ZFPM2: variants seen among roughly 807,000 people sequenced by gnomAD.
ZFPM2 encodes zinc finger protein, FOG family member 2.
ZFPM2 carries 20 observed loss-of-function variants against 98.6 expected under a neutral mutation model. The observed-to-expected ratio is 0.20, with a 90% CI of 0.14 to 0.29. The LOEUF (loss-of-function observed/expected upper bound fraction) is 0.29, where lower values mean the gene tolerates loss of function less well. Ranked by LOEUF, ZFPM2 falls within the 10% of genes least tolerant of loss-of-function variation. The pLI, the probability that ZFPM2 is intolerant of heterozygous loss-of-function variation, is 1.00. For missense variants in ZFPM2, 1,310 were observed against 1,388.6 expected (o/e 0.94, Z 0.90); for synonymous variants, 518 against 502.7 (o/e 1.03, Z -0.41).
chr8:105,419,671 A>G (rs1432481056), intron 2 of ZFPM2, among the ~76,000 whole-genome samples: 2 of 152,178 alleles, frequency 1.3e-5, no homozygotes, highest in African/African-American at 4.8e-5. Flanking sequence ...AAATATTAGC[A>G]CTGAATGAGT....
chr8:105,796,888 T>G (rs1226871363), intron 6 of ZFPM2: 1 of 152,236 alleles, frequency 6.6e-6, no homozygotes, highest in Non-Finnish European at 1.5e-5. Context: ...ACGAAAGTCC[T>G]GAGTTTGCAC....
intron 1 of ZFPM2, among the ~76,000 whole-genome samples, chr8:105,330,455 G>A (rs796970545): frequency 3.4e-5 from 5 of 149,082 alleles, no homozygotes; most frequent in African/African-American, 1.2e-4. Flanking sequence ...TTAGTAATAG[G>A]TCCAAGAAAA....
At chr8:105,357,014 G>A (rs1812760723) in intron 1 of ZFPM2, among the ~76,000 whole-genome samples, 1 of 152,036 alleles carries the variant, frequency 6.6e-6, no homozygotes, top group African/African-American at 2.4e-5. Context: ...CCTGTTTTAG[G>A]ACTTCCCATA....
At chr8:105,693,441 T>G (rs1810938345) in intron 5 of ZFPM2, among the ~76,000 whole-genome samples, 1 of 152,220 alleles carries the variant, frequency 6.6e-6, no homozygotes, top group African/African-American at 2.4e-5. Flanking sequence ...TTGTTAATGC[T>G]GAGGTCTCAG....
chr8:105,534,068 CT>C (rs1814377500), intron 3 of ZFPM2, among the ~76,000 whole-genome samples: 1 of 43,114 alleles, frequency 2.3e-5, no homozygotes, highest in Non-Finnish European at 4.2e-5. Flanking sequence ...CCCTCCCTTC[CT>C]TCCTCCCTCC....
intron 3 of ZFPM2, among the ~76,000 whole-genome samples, chr8:105,466,470 C>T (rs1274662909): frequency 6.6e-6 from 1 of 152,032 alleles, no homozygotes; most frequent in African/African-American, 2.4e-5. Flanking sequence ...TAGTGATATT[C>T]TAAAGCTGGT....
chr8:105,678,682 G>T (rs181180575), intron 5 of ZFPM2: 1 of 152,046 alleles, frequency 6.6e-6, no homozygotes, highest in Non-Finnish European at 1.5e-5. Flanking sequence ...TTTATCCTCC[G>T]GTTTTCTCTC....
At chr8:105,585,741 G>A (rs1815697560) in intron 4 of ZFPM2, among the ~76,000 whole-genome samples, 2 of 152,216 alleles carry the variant, frequency 1.3e-5, no homozygotes, top group Admixed American at 1.3e-4. Context: ...TAACATGTGG[G>A]AGGATTGCTT....
intron 5 of ZFPM2, among the ~76,000 whole-genome samples, chr8:105,637,078 G>C (rs985105820): frequency 6.6e-6 from 1 of 152,104 alleles, no homozygotes; most frequent in African/African-American, 2.4e-5. Flanking sequence ...TGTTCTGTCT[G>C]CATTAAGCTT....
At chr8:105,442,298 C>A (rs1250535443) in intron 2 of ZFPM2, among the ~76,000 whole-genome samples, 1 of 152,074 alleles carries the variant, frequency 6.6e-6, no homozygotes, top group Admixed American at 6.6e-5. Flanking sequence ...GAGCCGAGAT[C>A]GCGCCACTGC....
At position 105,322,434 on chromosome 8, in the gene ZFPM2, G is replaced by A. The variant is rs1463488523; in HGVS notation, c.40+3453G>A. 2.8e-5 allele frequency among the ~76,000 whole-genome samples: 4 copies of A among 144,524 alleles called. No homozygotes were observed. The East Asian group carries it at 8.4e-4, about 30-fold the overall frequency. 94.8% of individuals were successfully genotyped at this position (144,524 alleles called of 152,430 possible). A position where few individuals can be genotyped will look rare whatever the true frequency, so the allele number is the denominator to read the frequency against. ...CTGAAGTGTATTGGCTATGGGTGCA[G>A]GAAGAGGTGGACATCACTTTTTTTT... is the stretch of plus-strand genomic sequence containing the variant. On this transcript the variant is annotated intron_variant, in intron 1 of 7. Transcript: ENST00000407775.
At chr8:105,599,918 T>C (rs1266329583) in intron 4 of ZFPM2, among the ~76,000 whole-genome samples, 6 of 152,150 alleles carry the variant, frequency 3.9e-5, no homozygotes, top group East Asian at 1.9e-4. Context: ...GCAGGACTTA[T>C]CACCCCTGCT....
intron 1 of ZFPM2, among the ~76,000 whole-genome samples, chr8:105,411,649 CT>C (rs1237884677): frequency 1.3e-5 from 2 of 151,628 alleles, no homozygotes; most frequent in African/African-American, 4.8e-5. Context: ...AATGAATATA[CT>C]TTTGTATTTT....
At chr8:105,513,260 C>T (rs1439304825) in intron 3 of ZFPM2, among the ~76,000 whole-genome samples, 1 of 152,072 alleles carries the variant, frequency 6.6e-6, no homozygotes, top group Non-Finnish European at 1.5e-5. Flanking sequence ...TTTATGAATT[C>T]CAGCTTCTGT....
intron 1 of ZFPM2, among the ~76,000 whole-genome samples, chr8:105,330,621 T>TATACATATATATATACAC: frequency 9.6e-6 from 1 of 104,626 alleles, no homozygotes; most frequent in African/African-American, 3.5e-5. Context: ...CACATATATA[T>TATACATATATATATACAC]ATATATATAT....
intron 5 of ZFPM2, among the ~76,000 whole-genome samples, chr8:105,732,196 C>A (rs928494220): frequency 6.6e-6 from 1 of 151,746 alleles, no homozygotes; most frequent in Admixed American, 6.6e-5. Flanking sequence ...CCTATGCATA[C>A]GTTATCACTT....
intron 3 of ZFPM2, among the ~76,000 whole-genome samples, chr8:105,471,942 G>C (rs562390515): frequency 7.9e-5 from 12 of 152,036 alleles, no homozygotes; most frequent in African/African-American, 2.9e-4. Context: ...TATTACCCAA[G>C]ACCCCAATTT....
chr8:105,489,471 T>TTATATATATATATATATATA (rs1563682494), intron 3 of ZFPM2, among the ~76,000 whole-genome samples: 3 of 142,216 alleles, frequency 2.1e-5, no homozygotes, highest in African/African-American at 7.9e-5. Flanking sequence ...TATATATTTT[T>TTATATATATATATATATATA]TTTTTTTTTT....
At chr8:105,707,245 A>T (rs1169961184) in intron 5 of ZFPM2, among the ~76,000 whole-genome samples, 1 of 148,368 alleles carries the variant, frequency 6.7e-6, no homozygotes, top group Non-Finnish European at 1.5e-5. Context: ...TTGTCTCAAA[A>T]AAAAAAAAAA....
Sources: gnomAD v4.1 joint callset for allele counts (sites outside exome capture counted in the v4.1 genomes callset) on GRCh38, gnomAD v4.1.1 for gene constraint, MANE v1.5 for transcripts, NCBI Gene and HGNC (gene_info 2026-07-23, HGNC 2026-07-21) for gene names.